Variants in FTO observed in about 807,000 individuals in gnomAD.
The protein encoded by FTO is alpha-ketoglutarate-dependent dioxygenase FTO.
In FTO, 47 loss-of-function variants were observed where a neutral mutation model predicts 63.9. That is an observed-to-expected ratio of 0.74 (90% confidence interval 0.58 to 0.94). The LOEUF is 0.94. Among genes scored for constraint, FTO ranks in the 40% least tolerant of loss-of-function variants. The pLI, the probability that FTO is intolerant of heterozygous loss-of-function variation, is 0.00. For synonymous variants in FTO, 207 were observed against 224.4 expected (o/e 0.92, Z 0.69); for missense variants, 562 against 618.1 (o/e 0.91, Z 0.96).
Position 54,121,916 on chromosome 16 carries a change from A to T in FTO, c.*10001A>T, listed in dbSNP as rs114022116. The T allele has an allele frequency of 2.0e-5, 3 of 152,132 alleles. No homozygotes were observed. The highest frequency in any genetic ancestry group is 7.2e-5 in the African/African-American group (3 of 41,422). The allele number at this position is 152,132 out of a possible 1,614,324, so 9.4% of individuals were successfully genotyped here. A position where few individuals can be genotyped will look rare whatever the true frequency, so the allele number is the denominator to read the frequency against. On this transcript the variant is annotated 3_prime_UTR_variant, in exon 9 of 9. Coordinates refer to ENST00000471389, the MANE Select transcript of FTO (RefSeq NM_001080432.3). ...TATACGCCTCCTATGTACCCACAAA[A>T]ATTAAAAATAAAAAAATTGAAATCA...
At chr16:53,944,555 G>A (rs1359233218) in intron 8 of FTO, among the ~76,000 whole-genome samples, 1 of 152,176 alleles carries the variant, frequency 6.6e-6, no homozygotes, top group African/African-American at 2.4e-5. Context: ...TAATATGTTT[G>A]GGGGCATAGA....
intron 8 of FTO, among the ~76,000 whole-genome samples, chr16:54,023,861 A>G (rs1461781640): frequency 1.3e-5 from 2 of 152,188 alleles, no homozygotes; most frequent in East Asian, 1.9e-4. Flanking sequence ...GCCATTGACC[A>G]TAGGAATGTG....
chr16:53,949,851 A>G (rs2082729665), intron 8 of FTO, among the ~76,000 whole-genome samples: 1 of 152,184 alleles, frequency 6.6e-6, no homozygotes, highest in Non-Finnish European at 1.5e-5. Flanking sequence ...TTGAAAAAGG[A>G]AGAGGAAAAT....
chr16:53,787,670 G>A (rs1250967373), intron 1 of FTO, among the ~76,000 whole-genome samples: 2 of 152,168 alleles, frequency 1.3e-5, no homozygotes, highest in African/African-American at 4.8e-5. Flanking sequence ...AATCTCATCT[G>A]TAAGTCTGGT....
chr16:53,923,283 A>G (rs980563871), intron 7 of FTO: 1 of 152,258 alleles, frequency 6.6e-6, no homozygotes, highest in Non-Finnish European at 1.5e-5. Context: ...TTAGGCTGCT[A>G]TTGAAAAGCC....
At chr16:54,017,721 A>G (rs1401866431) in intron 8 of FTO, among the ~76,000 whole-genome samples, 3 of 152,118 alleles carry the variant, frequency 2.0e-5, no homozygotes, top group African/African-American at 7.2e-5. Flanking sequence ...AGAAAAGAAA[A>G]GTCAGAGTTT....
At chr16:53,915,589 C>T (rs999674043) in intron 7 of FTO, among the ~76,000 whole-genome samples, 15 of 152,178 alleles carry the variant, frequency 9.9e-5, no homozygotes, top group African/African-American at 3.6e-4. Flanking sequence ...AAATGTGAGC[C>T]TCCAACATGA....
At chr16:53,989,060 A>G (rs2083738684) in intron 8 of FTO, among the ~76,000 whole-genome samples, 1 of 152,230 alleles carries the variant, frequency 6.6e-6, no homozygotes, top group Non-Finnish European at 1.5e-5. Context: ...GTAAAGGGGT[A>G]TGGCTAAGTA....
Position 53,826,206 on chromosome 16 carries a change from G to C in FTO, c.466G>C (p.Glu156Gln). The C allele has an allele frequency of 6.2e-7, 1 of 1,614,192 alleles. No homozygotes were observed. Among genetic ancestry groups the C allele is most frequent in the Non-Finnish European group, 8.5e-7 (1 of 1,180,040 alleles). ...LQIETIQALE[E>Q]LAAKEKANED... is the part of the protein sequence containing the mutation. ...GATAGAAACCATCCAGGCTTTGGAAGAACTTGCTGCCAAAGAGAAGGCTAA... is the reference window on the plus strand; with the variant it reads ...GATAGAAACCATCCAGGCTTTGGAACAACTTGCTGCCAAAGAGAAGGCTAA... Residue 156 changes from glutamate (E) to glutamine (Q), a missense_variant, in exon 3 of 9, where the codon GAA (glutamate) becomes CAA (glutamine). Coordinates refer to ENST00000471389, the MANE Select transcript of FTO (RefSeq NM_001080432.3).
chr16:54,089,057 G>A (rs1567564508), intron 8 of FTO, among the ~76,000 whole-genome samples: 1 of 152,184 alleles, frequency 6.6e-6, no homozygotes, highest in Non-Finnish European at 1.5e-5. Flanking sequence ...CGAATTCCGT[G>A]AGAAGTTTTT....
At chr16:53,768,994 CAG>C (rs1389052544) in intron 1 of FTO, among the ~76,000 whole-genome samples, 1 of 152,098 alleles carries the variant, frequency 6.6e-6, no homozygotes, top group Non-Finnish European at 1.5e-5. Flanking sequence ...AGCTGCCTTC[CAG>C]AGACATTTGC....
intron 8 of FTO, among the ~76,000 whole-genome samples, chr16:54,084,649 A>C (rs1215041143): frequency 6.6e-6 from 1 of 152,222 alleles, no homozygotes; most frequent in Non-Finnish European, 1.5e-5. Context: ...CACCAGGTGT[A>C]GGTCACACAG....
In FTO at chr16:54,119,872, A is replaced by G. The variant is rs2086993994; in HGVS notation, c.*7957A>G. On this transcript the variant is annotated 3_prime_UTR_variant, in exon 9 of 9. Transcript: ENST00000471389. ...ACTAAGGCTCCATTTGCTGTCTCCA[A>G]CCCTCTGTGAGAAGCATGGTTTCAC... 1 of 152,174 alleles carries G rather than the reference A, an allele frequency of 6.6e-6. No individual in the cohort carries two copies. The highest frequency in any genetic ancestry group is 2.4e-5 in the African/African-American group (1 of 41,440). The allele number at this position is 152,174 out of a possible 1,614,324, so 9.4% of individuals were successfully genotyped here.
intron 1 of FTO, among the ~76,000 whole-genome samples, chr16:53,729,418 C>T (rs975711298): frequency 6.6e-6 from 1 of 151,522 alleles, no homozygotes; most frequent in East Asian, 2.0e-4. Flanking sequence ...TCTAGCTACT[C>T]GGGAGGCAGA....
intron 4 of FTO, among the ~76,000 whole-genome samples, chr16:53,856,905 T>C (rs2151845340): frequency 6.6e-6 from 1 of 152,326 alleles, no homozygotes; most frequent in East Asian, 1.9e-4. Context: ...TCTTTTCTTA[T>C]TTTTGTTCAC....
At chr16:53,829,249 C>T (rs557767251) in intron 3 of FTO, among the ~76,000 whole-genome samples, 1 of 152,306 alleles carries the variant, frequency 6.6e-6, no homozygotes, top group African/African-American at 2.4e-5. Flanking sequence ...ATTCCACTTG[C>T]TTTTTCTTTC....
At chr16:54,072,770 C>A (rs1480198119) in intron 8 of FTO, among the ~76,000 whole-genome samples, 2 of 152,162 alleles carry the variant, frequency 1.3e-5, no homozygotes, top group African/African-American at 4.8e-5. Flanking sequence ...GGATGGCTAA[C>A]TAGGAAGTAC....
chr16:53,860,484 C>T (rs1186134010), intron 4 of FTO, among the ~76,000 whole-genome samples: 1 of 152,140 alleles, frequency 6.6e-6, no homozygotes, highest in African/African-American at 2.4e-5. Flanking sequence ...GTTCACAGTT[C>T]CCCAGGCTGT....
At chr16:53,800,847 A>T (rs2078200821) in intron 1 of FTO, among the ~76,000 whole-genome samples, 1 of 149,868 alleles carries the variant, frequency 6.7e-6, no homozygotes, top group South Asian at 2.2e-4. Context: ...ACTTCTTTAC[A>T]AATCTTTTTT....
Sources: allele counts gnomAD v4.1 joint callset (sites outside exome capture counted in the v4.1 genomes callset), GRCh38; gene constraint gnomAD v4.1.1; transcripts MANE v1.5; gene names NCBI Gene and HGNC (gene_info 2026-07-23, HGNC 2026-07-21).